Variants in NHS observed in about 807,000 individuals in gnomAD.
NHS encodes the protein NHS actin remodeling regulator.
In NHS, 5 loss-of-function variants were observed where a neutral mutation model predicts 72.5. The ratio of observed to expected loss-of-function variants is 0.07; its 90% CI spans 0.04 to 0.14. The LOEUF is 0.14. Ranked by LOEUF, NHS falls within the 10% of genes least tolerant of loss-of-function variation. NHS has a pLI of 1.00. For synonymous variants in NHS, 464 were observed against 547.7 expected (o/e 0.85, Z 2.13); for missense variants, 1,072 against 1,355.7 (o/e 0.79, Z 3.29).
At position 17,734,655 on chromosome X, in the gene NHS, C is replaced by T. The variant is rs60285340; in HGVS notation, c.*2191C>T. ...TTTGGGGTTTGAATAAAATGGACCACCATTTCTCATTGGAACCCATTAATT... is the reference window on the plus strand; with the variant it reads ...TTTGGGGTTTGAATAAAATGGACCATCATTTCTCATTGGAACCCATTAATT... On this transcript the variant is annotated 3_prime_UTR_variant, in exon 9 of 9. Transcript: ENST00000676302. 22,852 of 111,713 alleles carry T rather than the reference C, an allele frequency of 0.2. 5,162 individuals carry two copies. The highest frequency in any genetic ancestry group is 0.67 in the African/African-American group (20,449 of 30,300). 9.2% of individuals were successfully genotyped at this position (111,713 alleles called of 1,213,427 possible).
chrX:17,704,644 A>G (rs759829550), intron 3 of NHS, among the ~76,000 whole-genome samples: 4 of 111,721 alleles, frequency 3.6e-5, no homozygotes, highest in Non-Finnish European at 7.5e-5. Flanking sequence ...ACCTTTGATG[A>G]CTGACTGGGC....
chrX:17,492,476 T>A (rs1290217844), intron 1 of NHS, among the ~76,000 whole-genome samples: 1 of 112,743 alleles, frequency 8.9e-6, no homozygotes, highest in African/African-American at 3.2e-5. Flanking sequence ...AGTTCTAATT[T>A]GATTGCACTG....
intron 1 of NHS, among the ~76,000 whole-genome samples, chrX:17,404,964 A>G (rs2064522283): frequency 9.0e-6 from 1 of 111,624 alleles, no homozygotes; most frequent in Admixed American, 9.6e-5. Context: ...AGAATAGGCT[A>G]ATTTCTGTAA....
chrX:17,431,969 A>G (rs2064696414), intron 1 of NHS, among the ~76,000 whole-genome samples: 2 of 111,937 alleles, frequency 1.8e-5, no homozygotes, highest in African/African-American at 6.5e-5. Context: ...AGTTTCATTT[A>G]TGTGTCTTCA....
At chrX:17,552,321 T>C (rs774912896) in intron 1 of NHS, 1 of 112,290 alleles carries the variant, frequency 8.9e-6, no homozygotes, top group East Asian at 2.8e-4. Flanking sequence ...CTGTAAGGAA[T>C]AGAAAACCTG....
rs765117155 is a variant in NHS, at chrX:17,675,687, T to A, written c.566-12055T>A. 2.0e-4 allele frequency among the ~76,000 whole-genome samples: 23 copies of A among 112,399 alleles called. No homozygotes were observed. The Middle Eastern group carries it at 0.014, about 68-fold the overall frequency. ...GTCTCACAAGAGAACCCATCTCTTC[T>A]GACACCAGAATGAATCCATTATGGG... On this transcript the variant is annotated intron_variant, in intron 1 of 8. Coordinates refer to ENST00000676302, the MANE Select transcript of NHS (RefSeq NM_001291867.2).
chrX:17,677,674 G>T (rs766627675), intron 1 of NHS, among the ~76,000 whole-genome samples: 1 of 111,810 alleles, frequency 8.9e-6, no homozygotes, highest in Non-Finnish European at 1.9e-5. Context: ...GCTCCTTGCG[G>T]TCTGTGTTAT....
At chrX:17,500,765 G>A (rs1245683599) in intron 1 of NHS, among the ~76,000 whole-genome samples, 1 of 111,727 alleles carries the variant, frequency 9.0e-6, no homozygotes, top group Admixed American at 9.5e-5. Flanking sequence ...ACAAGTGTGT[G>A]TGGCTTTTGC....
At chrX:17,699,712 G>C (rs1289286443) in intron 3 of NHS, among the ~76,000 whole-genome samples, 2 of 111,730 alleles carry the variant, frequency 1.8e-5, no homozygotes, top group Non-Finnish European at 3.8e-5. Flanking sequence ...CATTTAATGG[G>C]ATGCATACTA....
chrX:17,476,114 G>C (rs1239561441), intron 1 of NHS, among the ~76,000 whole-genome samples: 2 of 112,047 alleles, frequency 1.8e-5, no homozygotes, highest in East Asian at 5.6e-4. Flanking sequence ...TGAGTTTTTA[G>C]AGCCTTGGTA....
chrX:17,675,244 A>C (rs2066072849), intron 1 of NHS, among the ~76,000 whole-genome samples: 1 of 112,448 alleles, frequency 8.9e-6, no homozygotes, highest in African/African-American at 3.2e-5. Context: ...AACTGAATTA[A>C]GTTGTCTTAT....
At chrX:17,556,740 A>G (rs150096135) in intron 1 of NHS, among the ~76,000 whole-genome samples, 1,471 of 112,184 alleles carry the variant, frequency 0.013, 26 homozygotes, top group African/African-American at 0.045. Context: ...AATAATTACC[A>G]TCAGTAGCAT....
chrX:17,672,963 T>C (rs1363103387), intron 1 of NHS, among the ~76,000 whole-genome samples: 1 of 110,681 alleles, frequency 9.0e-6, no homozygotes, highest in Non-Finnish European at 1.9e-5. Flanking sequence ...TTGGATGGCT[T>C]CACAAAGGAG....
intron 1 of NHS, among the ~76,000 whole-genome samples, chrX:17,472,455 C>T (rs1321484318): frequency 9.0e-6 from 1 of 111,581 alleles, no homozygotes; most frequent in Non-Finnish European, 1.9e-5. Flanking sequence ...ATTCTTCAGG[C>T]TCCCACCATT....
intron 1 of NHS, among the ~76,000 whole-genome samples, chrX:17,550,288 A>G (rs73443652): frequency 0.055 from 6,212 of 111,964 alleles, 421 homozygotes; most frequent in African/African-American, 0.19. Context: ...ATTGCCTCTC[A>G]GAGACACATC....
At chrX:17,677,400 T>TG (rs1374902975) in intron 1 of NHS, among the ~76,000 whole-genome samples, 1 of 111,642 alleles carries the variant, frequency 9.0e-6, no homozygotes, top group Non-Finnish European at 1.9e-5. Flanking sequence ...TAGTGTCTGG[T>TG]GTTTTTAAAA....
At chrX:17,655,825 G>T (rs2065951402) in intron 1 of NHS, among the ~76,000 whole-genome samples, 1 of 113,070 alleles carries the variant, frequency 8.8e-6, no homozygotes, top group Non-Finnish European at 1.9e-5. Flanking sequence ...AGGGGCCGAT[G>T]CCCCTGCTTT....
intron 1 of NHS, among the ~76,000 whole-genome samples, chrX:17,575,004 GA>G (rs1249795775): frequency 8.9e-6 from 1 of 112,007 alleles, no homozygotes; most frequent in Non-Finnish European, 1.9e-5. Flanking sequence ...CAGTGACAAT[GA>G]AGGGAGAAGA....
chrX:17,537,004 A>C (rs1161822110), intron 1 of NHS, among the ~76,000 whole-genome samples: 1 of 112,470 alleles, frequency 8.9e-6, no homozygotes, highest in Non-Finnish European at 1.9e-5. Flanking sequence ...GATAAATTGA[A>C]ATATGAGTCA....
Sources: gnomAD v4.1 joint callset for allele counts (sites outside exome capture counted in the v4.1 genomes callset) on GRCh38, gnomAD v4.1.1 for gene constraint, MANE v1.5 for transcripts, NCBI Gene and HGNC (gene_info 2026-07-23, HGNC 2026-07-21) for gene names.